The following GRIN3A variants were observed in gnomAD, a reference collection of about 807,000 sequenced individuals.
GRIN3A encodes the protein glutamate receptor ionotropic, NMDA 3A.
A neutral mutation model predicts 92.4 loss-of-function variants in GRIN3A; 47 were observed. The ratio of observed to expected loss-of-function variants is 0.51; its 90% confidence interval spans 0.40 to 0.65. The LOEUF is 0.65. GRIN3A is among the 30% of genes least tolerant of loss of function. The pLI is 0.00. For missense variants in GRIN3A, 1,324 were observed against 1,393.1 expected (o/e 0.95, Z 0.79); for synonymous variants, 527 against 540.6 (o/e 0.97, Z 0.35).
chr9:101,627,793 T>C (rs1828653960), intron 4 of GRIN3A, among the ~76,000 whole-genome samples: 1 of 152,180 alleles, frequency 6.6e-6, no homozygotes, highest in Non-Finnish European at 1.5e-5. Context: ...TTATTTCCTT[T>C]CTACAGGAAA....
intron 8 of GRIN3A, among the ~76,000 whole-genome samples, chr9:101,577,128 G>GTTATTTCCT (rs1049328709): frequency 2.6e-5 from 4 of 152,136 alleles, no homozygotes; most frequent in Non-Finnish European, 4.4e-5. Flanking sequence ...TTTAATGTTT[G>GTTATTTCCT]TTATTTCCTA....
chr9:101,722,607 A>G (rs989246069), intron 1 of GRIN3A, among the ~76,000 whole-genome samples: 9 of 152,216 alleles, frequency 5.9e-5, no homozygotes, highest in Non-Finnish European at 1.0e-4. Flanking sequence ...AGACCATGAG[A>G]ACATACTTTT....
At chr9:101,704,464 G>T (rs1588290861) in intron 1 of GRIN3A, among the ~76,000 whole-genome samples, 1 of 152,064 alleles carries the variant, frequency 6.6e-6, no homozygotes, top group East Asian at 1.9e-4. Context: ...AACTTAGAAT[G>T]ATTTGACTTA....
At chr9:101,684,198 G>T (rs1040468979) in intron 2 of GRIN3A, among the ~76,000 whole-genome samples, 3 of 150,112 alleles carry the variant, frequency 2.0e-5, no homozygotes, top group African/African-American at 7.3e-5. Context: ...TGCCTCCCAG[G>T]TTCAAGCGAT....
At chr9:101,686,532 A>AG in intron 2 of GRIN3A, 64 bp downstream of exon 2, 2 of 1,570,924 alleles carry the variant, frequency 1.3e-6, no homozygotes, top group South Asian at 2.2e-5. Flanking sequence ...GCGGACAGAT[A>AG]GGGGAATTTT....
intron 1 of GRIN3A, among the ~76,000 whole-genome samples, chr9:101,688,102 G>A (rs558454759): frequency 1.9e-4 from 29 of 152,292 alleles, no homozygotes; most frequent in Non-Finnish European, 3.2e-4. Context: ...AATTAACTAT[G>A]TTTATTATGG....
chr9:101,598,566 T>C (rs1395603034), intron 6 of GRIN3A, among the ~76,000 whole-genome samples: 1 of 152,210 alleles, frequency 6.6e-6, no homozygotes, highest in African/African-American at 2.4e-5. Flanking sequence ...AAAATGGGGC[T>C]AATAATATAT....
At chr9:101,650,793 T>C (rs562183120) in intron 3 of GRIN3A, among the ~76,000 whole-genome samples, 2 of 152,086 alleles carry the variant, frequency 1.3e-5, no homozygotes, top group Non-Finnish European at 2.9e-5. Context: ...TTGCACATGC[T>C]GTTACCTCTG....
At position 101,623,232 on chromosome 9, in the gene GRIN3A, C is replaced by T. The variant is rs944785240; in HGVS notation, c.2614+86G>A. 1.7e-5 allele frequency: 15 copies of T among 861,890 alleles called. No homozygotes were observed. The African/African-American group carries it at 2.0e-4, about 11-fold the overall frequency. 53.4% of individuals were successfully genotyped at this position (861,890 alleles called of 1,614,324 possible). ...ACGAGGGAAGATGAATAGCTCTTTG[C>T]TTCTGACTTTGGCATTTGTGACTTT... is the stretch of plus-strand genomic sequence containing the variant. On this transcript the variant is annotated intron_variant, in intron 5 of 8. Coordinates refer to ENST00000361820, the MANE Select transcript of GRIN3A (RefSeq NM_133445.3).
chr9:101,670,011 C>T (rs1323434), intron 3 of GRIN3A, 49 bp downstream of exon 3: 505,656 of 1,326,860 alleles, frequency 0.38, 99,898 homozygotes, highest in Non-Finnish European at 0.41. Flanking sequence ...ATACAACATA[C>T]GGAATTATAA....
intron 7 of GRIN3A, among the ~76,000 whole-genome samples, chr9:101,578,954 C>T (rs926343080): frequency 1.3e-5 from 2 of 152,128 alleles, no homozygotes; most frequent in African/African-American, 4.8e-5. Context: ...AGTTCTATTT[C>T]TTCTATTATG....
Position 101,686,936 on chromosome 9 carries a change from T to A in GRIN3A, c.964A>T (p.Thr322Ser). Residue 322 changes from threonine to serine, a missense_variant, in exon 2 of 9, where the codon ACA becomes TCA. By Grantham distance (58) the Thr-to-Ser change is moderately conservative. Coordinates refer to ENST00000361820, the MANE Select transcript of GRIN3A (RefSeq NM_133445.3). Reference sequence around the variant, plus strand: ...CAGCCAAACATCACCACTGTGGGTGTGCTGTTCTTAATACTCTCAAGCTGG... The same window carrying A: ...CAGCCAAACATCACCACTGTGGGTGAGCTGTTCTTAATACTCTCAAGCTGG... ...QIQLESIKNS[T>S]PTVVMFGCDM... The A allele has an allele frequency of 6.2e-7, 1 of 1,614,188 alleles. No homozygotes were observed. The highest frequency in any genetic ancestry group is 1.3e-5 in the African/African-American group (1 of 75,040).
At chr9:101,722,994 T>C (rs1830033104) in intron 1 of GRIN3A, among the ~76,000 whole-genome samples, 1 of 152,174 alleles carries the variant, frequency 6.6e-6, no homozygotes, top group African/African-American at 2.4e-5. Context: ...ATGATACGGT[T>C]TGGCTGTGTC....
intron 2 of GRIN3A, among the ~76,000 whole-genome samples, chr9:101,685,844 A>G (rs1412844824): frequency 6.6e-6 from 1 of 151,902 alleles, no homozygotes; most frequent in African/African-American, 2.4e-5. Flanking sequence ...CTATCTATCA[A>G]TCATCAATCA....
chr9:101,664,215 C>T (rs547694939), intron 3 of GRIN3A, among the ~76,000 whole-genome samples: 25 of 152,038 alleles, frequency 1.6e-4, no homozygotes, highest in Admixed American at 1.4e-3. Flanking sequence ...TCCCCAAATG[C>T]TAAAATAACA....
intron 1 of GRIN3A, among the ~76,000 whole-genome samples, chr9:101,705,113 C>A (rs1383865319): frequency 6.6e-6 from 1 of 152,154 alleles, no homozygotes; most frequent in Non-Finnish European, 1.5e-5. Flanking sequence ...AGAACACGCA[C>A]TCCTGTTTTT....
chr9:101,644,963 T>C (rs1828917583), intron 3 of GRIN3A, among the ~76,000 whole-genome samples: 1 of 151,968 alleles, frequency 6.6e-6, no homozygotes, highest in African/African-American at 2.4e-5. Flanking sequence ...TCAGGATGAT[T>C]AGGATATTAA....
intron 6 of GRIN3A, among the ~76,000 whole-genome samples, chr9:101,609,585 T>C (rs533795126): frequency 1.6e-4 from 25 of 152,326 alleles, no homozygotes; most frequent in African/African-American, 4.8e-4. Context: ...AGGTTTATGT[T>C]AATAATTGTG....
intron 3 of GRIN3A, among the ~76,000 whole-genome samples, chr9:101,667,757 A>G (rs1490815082): frequency 1.3e-5 from 2 of 152,054 alleles, no homozygotes; most frequent in East Asian, 3.9e-4. Flanking sequence ...TGAGGACATT[A>G]TGTAGTCCAC....
Sources: gnomAD v4.1 joint callset for allele counts (sites outside exome capture counted in the v4.1 genomes callset) on GRCh38, gnomAD v4.1.1 for gene constraint, MANE v1.5 for transcripts, NCBI Gene and HGNC (gene_info 2026-07-23, HGNC 2026-07-21) for gene names.